Variants in LRCH3 observed in about 807,000 individuals in gnomAD.
LRCH3 encodes the protein DISP complex protein LRCH3.
A neutral mutation model predicts 104.5 loss-of-function variants in LRCH3; 68 were observed. The observed-to-expected ratio is 0.65, with a 90% CI of 0.54 to 0.80. The LOEUF is 0.80. Among genes scored for constraint, LRCH3 ranks in the 30% least tolerant of loss-of-function variants. LRCH3 has a pLI of 0.00. For synonymous variants in LRCH3, 344 were observed against 361.3 expected (o/e 0.95, Z 0.54); for missense variants, 951 against 953.9 (o/e 1.00, Z 0.04).
chr3:197,855,179 G>T (rs1002128369), intron 14 of LRCH3, among the ~76,000 whole-genome samples: 2 of 152,174 alleles, frequency 1.3e-5, no homozygotes, highest in African/African-American at 4.8e-5. Context: ...ATCCTGCTGC[G>T]TGAGCTGCAT....
At chr3:197,839,129 G>C (rs545815192) in intron 9 of LRCH3, among the ~76,000 whole-genome samples, 192 bp from the exon 10 acceptor site, 1 of 152,218 alleles carries the variant, frequency 6.6e-6, no homozygotes, top group Non-Finnish European at 1.5e-5. Flanking sequence ...TTTGTGGATT[G>C]TGAATGTTTT....
rs999317190 is a variant in LRCH3, at chr3:197,883,478, A to G, written c.2209-63A>G. 13 of 1,490,332 alleles carry G rather than the reference A, an allele frequency of 8.7e-6. No homozygotes were observed. The highest frequency in any genetic ancestry group is 1.2e-5 in the Non-Finnish European group (13 of 1,121,046). 92.3% of individuals were successfully genotyped at this position (1,490,332 alleles called of 1,614,324 possible). ...GGAGAAGTGCTTATTTTTTCCTTTCAGTTCTATGATATTCATCCGATTTTC... is the reference window on the plus strand; with the variant it reads ...GGAGAAGTGCTTATTTTTTCCTTTCGGTTCTATGATATTCATCCGATTTTC... On this transcript the variant is annotated intron_variant, in intron 20 of 20. Transcript: ENST00000425562. This position sits in a 1 kb window ranked among gnomAD's most constrained non-coding sequence, Gnocchi z 4.2.
Position 197,888,343 on chromosome 3 carries a change from G to C in LRCH3, c.*4677G>C, listed in dbSNP as rs768652017. The C allele has an allele frequency of 1.1e-4, 16 of 152,204 alleles. No homozygotes were observed. Among genetic ancestry groups the C allele is most frequent in the Non-Finnish European group, 1.6e-4 (11 of 68,042 alleles). The allele number at this position is 152,204 out of a possible 1,614,324, so 9.4% of individuals were successfully genotyped here. ...TTGCATAAGTTCTAAGTATAAATAT[G>C]TCAGTATCATGTATGTTATTTTAAA... is the stretch of plus-strand genomic sequence containing the variant. On this transcript the variant is annotated 3_prime_UTR_variant, in exon 21 of 21. Transcript: ENST00000425562.
chr3:197,854,404 T>A lies in LRCH3; in HGVS notation c.1603T>A (p.Ser535Thr). Residue 535 changes from serine (S) to threonine (T), a missense_variant, in exon 14 of 21, where the codon TCC (serine) becomes ACC (threonine). Transcript: ENST00000425562. This position sits in a 1 kb window ranked among gnomAD's most constrained non-coding sequence, Gnocchi z 4.5. ...DGVDGECPFP[S>T]RRSQHTDDSA... is the part of the protein sequence containing the mutation. The stretch of plus-strand genomic sequence containing the variant: ...TCCATCTCTCCAGTGCCCCTTCCCA[T>A]CCAGAAGGTCTCAGCACACTGATGA... 1 of 1,614,116 alleles carries A rather than the reference T, an allele frequency of 6.2e-7. No homozygotes were observed. Among genetic ancestry groups the A allele is most frequent in the Non-Finnish European group, 8.5e-7 (1 of 1,179,946 alleles).
intron 1 of LRCH3, among the ~76,000 whole-genome samples, chr3:197,812,557 G>T (rs1435628954): frequency 8.8e-6 from 1 of 113,860 alleles, no homozygotes; most frequent in Non-Finnish European, 1.6e-5. Flanking sequence ...TGTCGCCCAA[G>T]CTGGAGTGTA....
chr3:197,879,457 T>G (rs184728368), intron 20 of LRCH3, among the ~76,000 whole-genome samples: 3 of 150,304 alleles, frequency 2.0e-5, no homozygotes, highest in Non-Finnish European at 2.9e-5. Context: ...CCATCCTGGC[T>G]AACATGGTGA....
intron 20 of LRCH3, among the ~76,000 whole-genome samples, chr3:197,877,697 T>G (rs895813235): frequency 6.6e-6 from 1 of 152,194 alleles, no homozygotes; most frequent in African/African-American, 2.4e-5. Context: ...CCAGCAGGAT[T>G]CCCAGGATTG....
chr3:197,842,942 G>A (rs1169350734), intron 10 of LRCH3, among the ~76,000 whole-genome samples: 1 of 151,770 alleles, frequency 6.6e-6, no homozygotes, highest in African/African-American at 2.4e-5. Context: ...AAAATTAGCC[G>A]GGTGTGGTAG....
chr3:197,882,753 G>C, intron 20 of LRCH3: 1 of 985,320 alleles, frequency 1.0e-6, no homozygotes, highest in Non-Finnish European at 1.2e-6. Context: ...TTAAGGAAGC[G>C]TTTAACTTCC....
chr3:197,837,988 C>T (rs914759515), intron 9 of LRCH3, among the ~76,000 whole-genome samples: 1 of 151,568 alleles, frequency 6.6e-6, no homozygotes, highest in Admixed American at 6.6e-5. Flanking sequence ...TGAACCTGGG[C>T]AGCGGACATT....
rs1450820588 is a variant in LRCH3, at chr3:197,791,394, G to T, written c.116G>T (p.Gly39Val). The change falls in exon 1 of 21, where the codon GGT (glycine) becomes GTT (valine). Residue 39 changes from glycine to valine, a missense_variant. Gly to Val is a moderately radical substitution (Grantham distance 109, BLOSUM62 -3). Transcript: ENST00000425562. ...GGCCCAAGCTCCGGGGCAGGCCCTG[G>T]TTTTGGCCCGGGCTCGTGGAGCCGC... is the stretch of plus-strand genomic sequence containing the variant. ...HCGPSSGAGP[G>V]FGPGSWSRSL... 6.3e-7 allele frequency: 1 copy of T among 1,595,184 alleles called. No homozygotes were observed. The highest frequency in any genetic ancestry group is 8.5e-7 in the Non-Finnish European group (1 of 1,172,528).
At chr3:197,805,419 G>T (rs760057979) in intron 1 of LRCH3, among the ~76,000 whole-genome samples, 17 of 152,338 alleles carry the variant, frequency 1.1e-4, no homozygotes, top group African/African-American at 4.1e-4. Flanking sequence ...CTGGATTTGG[G>T]TGTAGGCTTG....
At chr3:197,811,194 A>G (rs943167781) in intron 1 of LRCH3, among the ~76,000 whole-genome samples, 3 of 152,170 alleles carry the variant, frequency 2.0e-5, no homozygotes, top group Non-Finnish European at 4.4e-5. Flanking sequence ...GAACAGTATC[A>G]TTGTGATATG....
rs182124209 is a variant in LRCH3, at chr3:197,854,915, C to A, written c.1644+470C>A. On this transcript the variant is annotated intron_variant, in intron 14 of 20. Coordinates refer to ENST00000425562, the MANE Select transcript of LRCH3 (RefSeq NM_001365715.1). The surrounding 1 kb of genome is among the most constrained non-coding windows in gnomAD (Gnocchi z 4.5). ...TAAATACTTACAGCTCAAGATTATT[C>A]CTTCATGTTCACTTTTTAAACCCAA... is the stretch of plus-strand genomic sequence containing the variant. Among the ~76,000 whole-genome samples the A allele has an allele frequency of 2.4e-4, 37 of 152,246 alleles. No individual in the cohort carries two copies. The highest frequency in any genetic ancestry group is 4.6e-4 in the Non-Finnish European group (31 of 67,992).
intron 20 of LRCH3, chr3:197,882,576 C>CT (rs771404439): frequency 5.2e-5 from 50 of 954,788 alleles, no homozygotes; most frequent in Non-Finnish European, 6.2e-5. Flanking sequence ...CATATATAAT[C>CT]TTTTTTTAGT....
intron 10 of LRCH3, among the ~76,000 whole-genome samples, chr3:197,844,686 T>C (rs913412771): frequency 2.0e-5 from 3 of 152,074 alleles, no homozygotes; most frequent in African/African-American, 7.2e-5. Context: ...GGCGCGATCT[T>C]GACTCACTGC....
intron 12 of LRCH3, among the ~76,000 whole-genome samples, chr3:197,851,768 G>GAGATGGTGAATAAATCAC (rs1181231757): frequency 2.6e-5 from 4 of 152,138 alleles, no homozygotes; most frequent in African/African-American, 7.2e-5. Flanking sequence ...ACCTATAAGA[G>GAGATGGTGAATAAATCAC]AGATGGTGAA....
At chr3:197,881,242 C>T (rs781406225) in intron 20 of LRCH3, 4 of 995,724 alleles carry the variant, frequency 4.0e-6, no homozygotes, top group Non-Finnish European at 4.8e-6. Context: ...ATCCTGAATC[C>T]CCGCTTTGTC....
At chr3:197,827,121 A>G in intron 5 of LRCH3, 107 bp downstream of exon 5, 1 of 1,527,924 alleles carries the variant, frequency 6.5e-7, no homozygotes, top group African/African-American at 1.4e-5. Context: ...ATCATAGTGG[A>G]AGCATCAGGT....
Sources: gnomAD v4.1 joint callset for allele counts (sites outside exome capture counted in the v4.1 genomes callset) on GRCh38, gnomAD v4.1.1 for gene constraint, Gnocchi (gnomAD v3.1) non-coding constraint, MANE v1.5 for transcripts, NCBI Gene and HGNC (gene_info 2026-07-23, HGNC 2026-07-21) for gene names.